NPEPPS: variants seen among roughly 807,000 people sequenced by gnomAD.
The protein encoded by NPEPPS is puromycin-sensitive aminopeptidase.
In NPEPPS, 14 loss-of-function variants were observed where a neutral mutation model predicts 115.5. That is an observed-to-expected ratio of 0.12 (90% confidence interval 0.08 to 0.19). NPEPPS has a LOEUF of 0.19. NPEPPS is among the 10% of genes least tolerant of loss of function. The pLI, the probability that NPEPPS is intolerant of heterozygous loss-of-function variation, is 1.00. For synonymous variants in NPEPPS, 285 were observed against 390.6 expected (o/e 0.73, Z 3.19); for missense variants, 523 against 1,110.8 (o/e 0.47, Z 7.52).
chr17:47,530,600 G>T (rs1351345649), upstream of NPEPPS, among the ~76,000 whole-genome samples: 1 of 149,492 alleles, frequency 6.7e-6, no homozygotes, highest in Non-Finnish European at 1.5e-5. Context: ...CTCGTGATCC[G>T]CCCGCCTCGG....
At position 47,545,903 on chromosome 17, in the gene NPEPPS, C is replaced by T; in HGVS notation, c.256-6C>T. The T allele has an allele frequency of 3.2e-6, 5 of 1,541,794 alleles. No homozygotes were observed. Among genetic ancestry groups the T allele is most frequent in the Non-Finnish European group, 4.4e-6 (5 of 1,139,388 alleles). On this transcript the variant is annotated splice_polypyrimidine_tract_variant and splice_region_variant and intron_variant, in intron 1 of 22. Coordinates refer to ENST00000322157, the MANE Select transcript of NPEPPS (RefSeq NM_006310.4). ...CTGACACTGTTGATTTTCCTTTTCCCCTTAGGTGAGGCAGGCGACTAATCA... is the reference window on the plus strand; with the variant it reads ...CTGACACTGTTGATTTTCCTTTTCCTCTTAGGTGAGGCAGGCGACTAATCA...
intron 1 of NPEPPS, among the ~76,000 whole-genome samples, chr17:47,538,202 CTTTTTTTTTTTT>C (rs543559258): frequency 1.7e-5 from 1 of 58,492 alleles, no homozygotes; most frequent in African/African-American, 5.7e-5. Flanking sequence ...CATATCTGTT[CTTTTTTTTTTTT>C]TTTTTTTTTT....
chr17:47,556,593 G>A (rs1188548712), intron 2 of NPEPPS, among the ~76,000 whole-genome samples: 2 of 152,286 alleles, frequency 1.3e-5, no homozygotes, highest in Non-Finnish European at 2.9e-5. Flanking sequence ...ATGAGCTGTT[G>A]GGTACACCTC....
chr17:47,530,620 G>T (rs1184761163), upstream of NPEPPS, among the ~76,000 whole-genome samples: 2 of 151,674 alleles, frequency 1.3e-5, no homozygotes, highest in African/African-American at 2.4e-5. Flanking sequence ...GCCTCCCGAA[G>T]TGCTGGGATT....
At chr17:47,608,037 T>C (rs1913620917) in intron 17 of NPEPPS, among the ~76,000 whole-genome samples, 2 of 151,916 alleles carry the variant, frequency 1.3e-5, no homozygotes, top group Non-Finnish European at 2.9e-5. Flanking sequence ...AGATGAGACT[T>C]CACTGTGTTG....
intron 2 of NPEPPS, among the ~76,000 whole-genome samples, chr17:47,551,966 C>CCT (rs1909679465): frequency 9.9e-6 from 1 of 100,892 alleles, no homozygotes; most frequent in East Asian, 3.3e-4. Flanking sequence ...GGATTTCTTT[C>CCT]TTTTTTTTTT....
At chr17:47,565,282 T>G (rs2611963) in intron 2 of NPEPPS, among the ~76,000 whole-genome samples, 2 of 151,964 alleles carry the variant, frequency 1.3e-5, no homozygotes, top group Non-Finnish European at 2.9e-5. Context: ...AGGCCGAGGC[T>G]GGTGGATCAT....
rs1282616224 is a variant in NPEPPS, at chr17:47,531,684, C to T, written c.255+129C>T. ...TCGGGGCTGGGCGGCCGCAGGGCGCCGGGTTCGGCGTGCTCTGCCTTGCTC... is the reference window on the plus strand; with the variant it reads ...TCGGGGCTGGGCGGCCGCAGGGCGCTGGGTTCGGCGTGCTCTGCCTTGCTC... On this transcript the variant is annotated intron_variant, in intron 1 of 22. Coordinates refer to ENST00000322157, the MANE Select transcript of NPEPPS (RefSeq NM_006310.4). The T allele has an allele frequency of 1.5e-5, 14 of 929,812 alleles. No individual in the cohort carries two copies. In the African/African-American group the frequency reaches 2.3e-4, roughly 15 times the overall value. The allele number at this position is 929,812 out of a possible 1,614,324, so 57.6% of individuals were successfully genotyped here.
upstream of NPEPPS, among the ~76,000 whole-genome samples, chr17:47,530,481 T>C (rs1261108275): frequency 3.4e-5 from 5 of 147,536 alleles, 1 homozygote; most frequent in East Asian, 2.1e-4. Flanking sequence ...CTCAGCCTCC[T>C]GAGTAGCTGG....
chr17:47,538,202 C>CTTTTTTTTTTTTTTTTTTTTTTTT lies in NPEPPS; in HGVS notation c.255+6670_255+6671insTTTTTTTTTTTTTTTTTTTTTTTT, dbSNP rs543559258. ...GCCACCGCGCCTAGCCATATCTGTT[C>CTTTTTTTTTTTTTTTTTTTTTTTT]TTTTTTTTTTTTTTTTTTTTTTTGA... On this transcript the variant is annotated intron_variant, in intron 1 of 22. Transcript: ENST00000322157. 1.9e-4 allele frequency among the ~76,000 whole-genome samples: 11 copies of CTTTTTTTTTTTTTTTTTTTTTTTT among 58,496 alleles called. 1 individual carries two copies. Among genetic ancestry groups the CTTTTTTTTTTTTTTTTTTTTTTTT allele is most frequent in the African/African-American group, 2.3e-4 (4 of 17,660 alleles). The allele number at this position is 58,496 out of a possible 152,430, so 38.4% of individuals were successfully genotyped here. A position where few individuals can be genotyped will look rare whatever the true frequency, so the allele number is the denominator to read the frequency against.
chr17:47,541,122 G>A (rs1369840168), intron 1 of NPEPPS, among the ~76,000 whole-genome samples: 1 of 152,206 alleles, frequency 6.6e-6, no homozygotes, highest in African/African-American at 2.4e-5. Context: ...AATGGTTGCA[G>A]TAGTAATGTG....
At chr17:47,582,661 C>T in intron 4 of NPEPPS, 81 bp from the exon 5 acceptor site, 1 of 882,428 alleles carries the variant, frequency 1.1e-6, no homozygotes, top group Non-Finnish European at 1.9e-6. Flanking sequence ...GAATGAATGA[C>T]AGAGGGAAAT....
At chr17:47,545,064 AATC>A (rs1258154003) in intron 1 of NPEPPS, among the ~76,000 whole-genome samples, 3 of 151,584 alleles carry the variant, frequency 2.0e-5, no homozygotes, top group Non-Finnish European at 4.4e-5. Context: ...TCAGTGATGT[AATC>A]ATAGCTCACT....
chr17:47,620,877 T>C (rs545578750), intron 22 of NPEPPS, among the ~76,000 whole-genome samples: 1 of 152,316 alleles, frequency 6.6e-6, no homozygotes, highest in African/African-American at 2.4e-5. Flanking sequence ...TGATAAATTG[T>C]AAACTTAGAA....
intron 2 of NPEPPS, among the ~76,000 whole-genome samples, chr17:47,549,805 T>A (rs1244559901): frequency 1.3e-5 from 2 of 149,054 alleles, no homozygotes; most frequent in Non-Finnish European, 3.0e-5. Context: ...AAAAAAAAGT[T>A]TGGATTGGGA....
chr17:47,559,759 T>C lies in NPEPPS; in HGVS notation c.341-9658T>C, dbSNP rs371473182. 1.3e-4 allele frequency: 57 copies of C among 432,540 alleles called. 1 individual carries two copies. The East Asian group carries it at 2.0e-3, about 15-fold the overall frequency. The allele number at this position is 432,540 out of a possible 1,614,324, so 26.8% of individuals were successfully genotyped here. ...TACTCAAGCCTCTTGTCTTGTCTTG[T>C]CTTGTCTTGTCTTTTCTCTTCTAAT... is the stretch of plus-strand genomic sequence containing the variant. On this transcript the variant is annotated intron_variant, in intron 2 of 22. Coordinates refer to ENST00000322157, the MANE Select transcript of NPEPPS (RefSeq NM_006310.4).
intron 9 of NPEPPS, among the ~76,000 whole-genome samples, chr17:47,588,070 C>T (rs1330569769): frequency 6.6e-6 from 1 of 151,824 alleles, no homozygotes. Flanking sequence ...AGCTAGATTC[C>T]CTGACATTTT....
intron 13 of NPEPPS, among the ~76,000 whole-genome samples, chr17:47,598,396 C>A (rs1165265207): frequency 6.6e-6 from 1 of 152,150 alleles, no homozygotes; most frequent in East Asian, 1.9e-4. Flanking sequence ...ATCGCTTGAG[C>A]ACAGGAGGTG....
intron 9 of NPEPPS, among the ~76,000 whole-genome samples, chr17:47,590,003 T>C (rs778469486): frequency 6.6e-4 from 100 of 152,340 alleles, no homozygotes; most frequent in Admixed American, 1.1e-3. Context: ...GCTTTTTTTT[T>C]CCCTCTTCTT....
Sources: gnomAD v4.1 joint callset for allele counts (sites outside exome capture counted in the v4.1 genomes callset) on GRCh38, gnomAD v4.1.1 for gene constraint, MANE v1.5 for transcripts, NCBI Gene and HGNC (gene_info 2026-07-23, HGNC 2026-07-21) for gene names.